Variants in RGS7 observed in about 807,000 individuals in gnomAD.
The protein encoded by RGS7 is regulator of G-protein signaling 7.
RGS7 carries 27 observed loss-of-function variants against 81.1 expected under a neutral mutation model. The ratio of observed to expected loss-of-function variants is 0.33; its 90% CI spans 0.25 to 0.46. The LOEUF (loss-of-function observed/expected upper bound fraction) is 0.46, where lower values mean the gene tolerates loss of function less well. Among genes scored for constraint, RGS7 ranks in the 20% least tolerant of loss-of-function variants. The probability of loss-of-function intolerance (pLI) is 1.00; values close to 1 mark genes in which losing one functional copy is unlikely to be tolerated. For synonymous variants in RGS7, 208 were observed against 207.7 expected (o/e 1.00, Z -0.01); for missense variants, 396 against 607.4 (o/e 0.65, Z 3.66).
At chr1:241,058,885 T>G (rs1028205932) in intron 3 of RGS7, among the ~76,000 whole-genome samples, 1 of 152,216 alleles carries the variant, frequency 6.6e-6, no homozygotes, top group Non-Finnish European at 1.5e-5. Flanking sequence ...TTGAAGGAGT[T>G]GGCTGTGTCT....
At chr1:241,028,221 G>T (rs2059889825) in intron 3 of RGS7, among the ~76,000 whole-genome samples, 1 of 152,186 alleles carries the variant, frequency 6.6e-6, no homozygotes, top group Non-Finnish European at 1.5e-5. Flanking sequence ...CAACCATAGA[G>T]TTCTCAAGAG....
intron 9 of RGS7, among the ~76,000 whole-genome samples, chr1:240,828,743 C>T (rs188093077): frequency 2.0e-4 from 30 of 152,166 alleles, no homozygotes; most frequent in South Asian, 4.2e-4. Flanking sequence ...GCCAAGATTG[C>T]GCCAATGCAC....
At chr1:240,814,818 AT>A in intron 11 of RGS7, 41 bp from the exon 12 acceptor site, 1 of 1,191,102 alleles carries the variant, frequency 8.4e-7, no homozygotes. Flanking sequence ...AAGTAATGAC[AT>A]TTTCACAATT....
At chr1:241,066,534 A>G (rs1472355828) in intron 3 of RGS7, among the ~76,000 whole-genome samples, 1 of 152,204 alleles carries the variant, frequency 6.6e-6, no homozygotes, top group African/African-American at 2.4e-5. Flanking sequence ...CTTAATATAT[A>G]CAATTAGCAA....
intron 3 of RGS7, among the ~76,000 whole-genome samples, chr1:241,050,352 T>C (rs999275476): frequency 6.6e-6 from 1 of 151,806 alleles, no homozygotes; most frequent in Non-Finnish European, 1.5e-5. Context: ...ACAAGGAAAA[T>C]CCTCAGGTGG....
chr1:241,187,521 G>T (rs1573038447), intron 2 of RGS7, among the ~76,000 whole-genome samples: 1 of 152,124 alleles, frequency 6.6e-6, no homozygotes, highest in South Asian at 2.1e-4. Context: ...CCTTAAAAAG[G>T]TACTCCAGTT....
At chr1:240,998,927 C>T in intron 3 of RGS7, 1 of 356,384 alleles carries the variant, frequency 2.8e-6, no homozygotes, top group East Asian at 6.9e-5. Context: ...ACTCCAATGG[C>T]ACCAATGTTA....
rs143295732 is a variant in RGS7 at position 240,781,623 on chromosome 1, A to C, written c.*7-5410T>G. On this transcript the variant is annotated intron_variant, in intron 18 of 18. Coordinates refer to ENST00000440928, the MANE Select transcript of RGS7 (RefSeq NM_001364886.1). Reference sequence around the variant, plus strand: ...TCTGTCTCAACAAACAAACAAACAAAACCTCTGTGTGTGGTATAGATTTAT... The same window carrying C: ...TCTGTCTCAACAAACAAACAAACAACACCTCTGTGTGTGGTATAGATTTAT... Among the ~76,000 whole-genome samples the C allele has an allele frequency of 1.1e-4, 16 of 152,218 alleles. No homozygotes were observed. The East Asian group carries it at 2.7e-3, about 26-fold the overall frequency.
At chr1:241,197,973 C>G (rs1359120170) in intron 2 of RGS7, among the ~76,000 whole-genome samples, 1 of 151,934 alleles carries the variant, frequency 6.6e-6, no homozygotes, top group East Asian at 1.9e-4. Flanking sequence ...GTCTACCTAC[C>G]TACCTACCTA....
At chr1:241,049,622 A>G (rs910534481) in intron 3 of RGS7, among the ~76,000 whole-genome samples, 2 of 152,154 alleles carry the variant, frequency 1.3e-5, no homozygotes, top group Non-Finnish European at 2.9e-5. Context: ...CAGCTTGACC[A>G]TAAAGAAGAT....
rs547510902 is a variant in RGS7, at chr1:240,790,239, A to AAAAAC, written c.*6+10397_*6+10401dup. ...AGACTGAGACTCTGTCTCAAAAAACAAAAACAAAACAAAACAAAACAAAAA... is the reference window on the plus strand; with the variant it reads ...AGACTGAGACTCTGTCTCAAAAAACAAAAACAAAACAAAACAAAACAAAACAAAAA... On this transcript the variant is annotated intron_variant, in intron 18 of 18. Coordinates refer to ENST00000440928, the MANE Select transcript of RGS7 (RefSeq NM_001364886.1). Among the ~76,000 whole-genome samples, 336 of 152,320 alleles carry AAAAAC rather than the reference A, an allele frequency of 2.2e-3. 3 individuals carry two copies. Among genetic ancestry groups the AAAAAC allele is most frequent in the African/African-American group, 7.4e-3 (306 of 41,572 alleles).
chr1:241,147,271 T>A (rs955542147), intron 2 of RGS7, among the ~76,000 whole-genome samples: 6 of 152,186 alleles, frequency 3.9e-5, no homozygotes, highest in African/African-American at 1.2e-4. Context: ...AAATTCAGTG[T>A]CCCAAGTTCT....
intron 10 of RGS7, among the ~76,000 whole-genome samples, chr1:240,825,184 A>G (rs968636175): frequency 2.6e-5 from 4 of 152,180 alleles, no homozygotes; most frequent in African/African-American, 9.7e-5. Context: ...TAGGGGAGCA[A>G]GGCCCTGACT....
chr1:241,214,347 T>C (rs1421307914), intron 2 of RGS7, among the ~76,000 whole-genome samples: 1 of 152,148 alleles, frequency 6.6e-6, no homozygotes, highest in African/African-American at 2.4e-5. Context: ...TGTTGCCTGG[T>C]CTCAATTATC....
chr1:241,282,846 T>G (rs2078597933), intron 2 of RGS7, among the ~76,000 whole-genome samples: 1 of 152,212 alleles, frequency 6.6e-6, no homozygotes, highest in Admixed American at 6.5e-5. Context: ...CTCTTTAGCT[T>G]TCTAAACAAC....
intron 2 of RGS7, among the ~76,000 whole-genome samples, chr1:241,103,773 C>T (rs1405705726): frequency 6.6e-6 from 1 of 152,114 alleles, no homozygotes; most frequent in Non-Finnish European, 1.5e-5. Context: ...ACCCAGGAGG[C>T]TGAAGTGAGA....
intron 2 of RGS7, among the ~76,000 whole-genome samples, chr1:241,226,329 T>G (rs766736461): frequency 3.3e-5 from 5 of 152,038 alleles, no homozygotes; most frequent in Non-Finnish European, 7.4e-5. Flanking sequence ...GAGAGGAGGC[T>G]GGAAGAAGGA....
chr1:241,112,301 T>G (rs1301017624), intron 2 of RGS7, among the ~76,000 whole-genome samples: 1 of 152,102 alleles, frequency 6.6e-6, no homozygotes, highest in Non-Finnish European at 1.5e-5. Flanking sequence ...TCTGGGATGG[T>G]CTTAGTAGAG....
chr1:241,224,310 T>C (rs1482438152), intron 2 of RGS7, among the ~76,000 whole-genome samples: 1 of 137,264 alleles, frequency 7.3e-6, no homozygotes, highest in Non-Finnish European at 1.5e-5. Context: ...CGTGTTCTCA[T>C]TGTTCAACTC....
Sources: gnomAD v4.1 joint callset for allele counts (sites outside exome capture counted in the v4.1 genomes callset) on GRCh38, gnomAD v4.1.1 for gene constraint, MANE v1.5 for transcripts, NCBI Gene and HGNC (gene_info 2026-07-23, HGNC 2026-07-21) for gene names.